LRRC4C: variants seen among roughly 807,000 people sequenced by gnomAD.
LRRC4C encodes the protein leucine rich repeat containing 4C, also known as leucine-rich repeat-containing protein 4C.
Under a neutral mutation model 33.6 loss-of-function variants are expected in LRRC4C, and 5 were observed. The ratio of observed to expected loss-of-function variants is 0.15; its 90% CI spans 0.08 to 0.31. LRRC4C has a LOEUF of 0.31. Ranked by LOEUF, LRRC4C falls within the 10% of genes least tolerant of loss-of-function variation. The pLI is 1.00. For synonymous variants in LRRC4C, 329 were observed against 302.0 expected, an observed-to-expected ratio of 1.09 and a Z score of -0.93; for missense variants, 560 against 796.7, an observed-to-expected ratio of 0.70 and a Z score of 3.58.
chr11:40,469,534 T>G (rs1952822209), intron 3 of LRRC4C, among the ~76,000 whole-genome samples: 1 of 151,944 alleles, frequency 6.6e-6, no homozygotes, highest in African/African-American at 2.4e-5. Flanking sequence ...GAGACAGAAC[T>G]GTTCACTCCC....
intron 3 of LRRC4C, among the ~76,000 whole-genome samples, chr11:40,615,262 A>ATATATATATATATATATATATATATT (rs1961677863): frequency 5.8e-5 from 3 of 51,328 alleles, no homozygotes; most frequent in Non-Finnish European, 2.1e-4. Flanking sequence ...ATATATATAT[A>ATATATATATATATATATATATATATT]TATACACACA....
chr11:40,652,610 T>C (rs749791762), intron 2 of LRRC4C, among the ~76,000 whole-genome samples: 3 of 152,190 alleles, frequency 2.0e-5, no homozygotes, highest in Non-Finnish European at 4.4e-5. Flanking sequence ...CAAGAGTTCA[T>C]GGGATACAGA....
At chr11:40,525,723 C>CTT (rs112163235) in intron 3 of LRRC4C, among the ~76,000 whole-genome samples, 3,496 of 147,040 alleles carry the variant, frequency 0.024, 154 homozygotes, top group African/African-American at 0.081. Flanking sequence ...ACTTCAGCAA[C>CTT]TTTTTTTTTT....
intron 2 of LRRC4C, among the ~76,000 whole-genome samples, chr11:40,803,330 A>G (rs949937254): frequency 2.6e-5 from 4 of 152,348 alleles, no homozygotes; most frequent in African/African-American, 9.6e-5. Context: ...TTACAAACCT[A>G]CAAGCTTGGT....
intron 2 of LRRC4C, among the ~76,000 whole-genome samples, chr11:40,861,603 A>G (rs1332492020): frequency 5.9e-5 from 9 of 152,176 alleles, no homozygotes; most frequent in Admixed American, 5.9e-4. Flanking sequence ...AAAAATCAAC[A>G]AGGGAAGCCA....
chr11:41,348,983 C>A (rs1023455514), intron 1 of LRRC4C, among the ~76,000 whole-genome samples: 2 of 152,150 alleles, frequency 1.3e-5, no homozygotes, highest in African/African-American at 2.4e-5. Flanking sequence ...GCCCATACCC[C>A]AAAGATTGTC....
At chr11:40,643,793 CA>C (rs1942266500) in intron 3 of LRRC4C, among the ~76,000 whole-genome samples, 3 of 152,074 alleles carry the variant, frequency 2.0e-5, no homozygotes, top group African/African-American at 7.2e-5. Flanking sequence ...AAGCAAAGGA[CA>C]GGTGAAAAAA....
At chr11:40,696,153 C>A (rs1255344804) in intron 2 of LRRC4C, among the ~76,000 whole-genome samples, 1 of 146,562 alleles carries the variant, frequency 6.8e-6, no homozygotes, top group Non-Finnish European at 1.5e-5. Flanking sequence ...ATGCAACAAG[C>A]AATCTAAGAA....
At chr11:41,457,453 C>A (rs567009918) in intron 1 of LRRC4C, among the ~76,000 whole-genome samples, 1 of 152,204 alleles carries the variant, frequency 6.6e-6, no homozygotes, top group South Asian at 2.1e-4. Context: ...CTGCCATGAC[C>A]CATTGGCACT....
intron 3 of LRRC4C, among the ~76,000 whole-genome samples, chr11:40,639,538 C>T (rs920080426): frequency 2.0e-5 from 3 of 152,202 alleles, no homozygotes; most frequent in African/African-American, 4.8e-5. Context: ...AACACCCATT[C>T]GCTCGACAAT....
At chr11:40,633,771 C>G (rs1186648679) in intron 3 of LRRC4C, among the ~76,000 whole-genome samples, 1 of 152,004 alleles carries the variant, frequency 6.6e-6, no homozygotes, top group African/African-American at 2.4e-5. Flanking sequence ...CAATAATGTA[C>G]ATTATTTTAG....
intron 2 of LRRC4C, among the ~76,000 whole-genome samples, chr11:40,783,166 A>C (rs1332018151): frequency 6.6e-6 from 1 of 152,196 alleles, no homozygotes; most frequent in Non-Finnish European, 1.5e-5. Context: ...AATATTGAAC[A>C]CTATGCTTTG....
At chr11:41,093,462 C>T (rs930107848) in intron 1 of LRRC4C, among the ~76,000 whole-genome samples, 1 of 152,172 alleles carries the variant, frequency 6.6e-6, no homozygotes, top group Non-Finnish European at 1.5e-5. Context: ...TATCTTTTGG[C>T]CTAATTTTTT....
chr11:40,989,579 T>C (rs1853352343), intron 1 of LRRC4C, among the ~76,000 whole-genome samples: 1 of 152,312 alleles, frequency 6.6e-6, no homozygotes. Flanking sequence ...GATTTATACA[T>C]AACATTCTGG....
intron 1 of LRRC4C, among the ~76,000 whole-genome samples, chr11:41,123,261 G>GTTTTTTTTTTTTT (rs1217714729): frequency 6.2e-5 from 3 of 48,102 alleles, no homozygotes; most frequent in African/African-American, 1.7e-4. Flanking sequence ...GCTATGTTTT[G>GTTTTTTTTTTTTT]TTTTTTTTTT....
intron 1 of LRRC4C, among the ~76,000 whole-genome samples, chr11:41,176,629 G>A (rs184679563): frequency 5.2e-4 from 79 of 152,178 alleles, no homozygotes; most frequent in African/African-American, 1.4e-3. Flanking sequence ...ATATCTAATA[G>A]TTATAAATAC....
At chr11:41,159,282 C>T (rs1163620155) in intron 1 of LRRC4C, among the ~76,000 whole-genome samples, 1 of 151,886 alleles carries the variant, frequency 6.6e-6, no homozygotes, top group Non-Finnish European at 1.5e-5. Flanking sequence ...CAGAGAAAGA[C>T]CCTGTCTCTA....
intron 1 of LRRC4C, among the ~76,000 whole-genome samples, chr11:41,121,526 C>T (rs144235105): frequency 2.9e-3 from 435 of 152,268 alleles, no homozygotes; most frequent in Non-Finnish European, 5.3e-3. Context: ...GCAGTATTTA[C>T]TATACTATTC....
intron 3 of LRRC4C, among the ~76,000 whole-genome samples, chr11:40,613,102 T>G (rs1417110262): frequency 6.6e-6 from 1 of 151,858 alleles, no homozygotes; most frequent in African/African-American, 2.4e-5. Context: ...AGGATTGTGG[T>G]GGCTGAAGGT....
Sources: gnomAD v4.1 joint callset for allele counts (sites outside exome capture counted in the v4.1 genomes callset) on GRCh38, gnomAD v4.1.1 for gene constraint, MANE v1.5 for transcripts, NCBI Gene and HGNC (gene_info 2026-07-23, HGNC 2026-07-21) for gene names.